ATXN7L1: variants seen among roughly 807,000 people sequenced by gnomAD.
The protein encoded by ATXN7L1 is ataxin-7-like protein 1.
ATXN7L1 carries 15 observed loss-of-function variants against 70.8 expected under a neutral mutation model. The ratio of observed to expected loss-of-function variants is 0.21; its 90% CI spans 0.14 to 0.33. ATXN7L1 has a LOEUF of 0.33. ATXN7L1 is among the 10% of genes least tolerant of loss of function. The pLI is 1.00. For synonymous variants in ATXN7L1, 440 were observed against 445.1 expected, an observed-to-expected ratio of 0.99 and a Z score of 0.14; for missense variants, 975 against 1,097.1, an observed-to-expected ratio of 0.89 and a Z score of 1.57.
chr7:105,690,654 T>C (rs1474733003), intron 3 of ATXN7L1, among the ~76,000 whole-genome samples: 1 of 152,164 alleles, frequency 6.6e-6, no homozygotes, highest in East Asian at 1.9e-4. Context: ...CCCGGACCAT[T>C]AGACTGGGAC....
At chr7:105,794,157 G>A (rs1042923765) in intron 2 of ATXN7L1, among the ~76,000 whole-genome samples, 2 of 152,120 alleles carry the variant, frequency 1.3e-5, no homozygotes, top group Admixed American at 1.3e-4. Flanking sequence ...TGTTCAATGG[G>A]TTACAACTCA....
intron 3 of ATXN7L1, among the ~76,000 whole-genome samples, chr7:105,709,135 C>G (rs541616935): frequency 6.6e-6 from 1 of 152,246 alleles, no homozygotes; most frequent in Non-Finnish European, 1.5e-5. Flanking sequence ...GAGTTAGAGA[C>G]CAGGCTGGCC....
intron 2 of ATXN7L1, among the ~76,000 whole-genome samples, chr7:105,853,750 C>T (rs761391332): frequency 3.9e-5 from 6 of 152,142 alleles, no homozygotes; most frequent in East Asian, 1.9e-4. Context: ...GGCAACAGAG[C>T]GAGACTCTGT....
intron 2 of ATXN7L1, among the ~76,000 whole-genome samples, chr7:105,856,159 A>G (rs1815687136): frequency 6.6e-6 from 1 of 152,252 alleles, no homozygotes; most frequent in Admixed American, 6.5e-5. Flanking sequence ...CTTAAATGAA[A>G]ATATCAACCA....
At chr7:105,613,753 C>A (rs1165828505) in intron 10 of ATXN7L1, 109 bp downstream of exon 10, 1 of 1,529,552 alleles carries the variant, frequency 6.5e-7, no homozygotes, top group Admixed American at 2.2e-5. Flanking sequence ...AAAACGAGAA[C>A]AGGAATCAAG....
At chr7:105,673,281 T>TG (rs1804058378) in intron 3 of ATXN7L1, among the ~76,000 whole-genome samples, 1 of 152,258 alleles carries the variant, frequency 6.6e-6, no homozygotes, top group South Asian at 2.1e-4. Context: ...TTAGCACAGA[T>TG]GCCTCATGAA....
chr7:105,727,460 G>A (rs550365528), intron 3 of ATXN7L1, among the ~76,000 whole-genome samples: 4 of 151,858 alleles, frequency 2.6e-5, no homozygotes, highest in Non-Finnish European at 5.9e-5. Context: ...CGTGAGGTCA[G>A]GAGTTCAAGA....
intron 3 of ATXN7L1, among the ~76,000 whole-genome samples, chr7:105,684,691 C>G (rs1048048223): frequency 6.6e-6 from 1 of 152,218 alleles, no homozygotes; most frequent in Admixed American, 6.5e-5. Flanking sequence ...AATCTACCAC[C>G]TGAAAACTCG....
In ATXN7L1 at chr7:105,833,471, C is replaced by T. The variant is rs577173940; in HGVS notation, c.250+42341G>A. Among the ~76,000 whole-genome samples the T allele has an allele frequency of 1.3e-4, 20 of 152,232 alleles. No homozygotes were observed. In the East Asian group the frequency reaches 1.4e-3, roughly 10 times the overall value. On this transcript the variant is annotated intron_variant, in intron 2 of 11. Coordinates refer to ENST00000419735, the MANE Select transcript of ATXN7L1 (RefSeq NM_020725.2). ...ATAGATGTACTCACACCATTTAGAA[C>T]GTAAAGAATACAGCGAAGAAAATAA...
At chr7:105,612,553 C>A (rs1182837319) in intron 10 of ATXN7L1, among the ~76,000 whole-genome samples, 1 of 152,162 alleles carries the variant, frequency 6.6e-6, no homozygotes, top group Non-Finnish European at 1.5e-5. Flanking sequence ...CATCCTGGGA[C>A]CTGGCGGTGG....
chr7:105,615,904 C>A (rs73192168), intron 9 of ATXN7L1, among the ~76,000 whole-genome samples: 1 of 152,266 alleles, frequency 6.6e-6, no homozygotes, highest in East Asian at 1.9e-4. Flanking sequence ...TTCTGATTTG[C>A]GCTGGGAGTG....
chr7:105,714,922 C>T (rs12668158), intron 3 of ATXN7L1, among the ~76,000 whole-genome samples: 14,788 of 152,172 alleles, frequency 0.097, 894 homozygotes, highest in Non-Finnish European at 0.13. Context: ...GCCTCAGCCC[C>T]ACTGGATAAC....
intron 3 of ATXN7L1, among the ~76,000 whole-genome samples, chr7:105,716,176 T>C (rs755710484): frequency 2.9e-4 from 44 of 152,254 alleles, no homozygotes; most frequent in Admixed American, 5.9e-4. Context: ...AGGGATATTT[T>C]TCCAAAGATG....
At chr7:105,691,363 C>T (rs1191790845) in intron 3 of ATXN7L1, among the ~76,000 whole-genome samples, 1 of 152,274 alleles carries the variant, frequency 6.6e-6, no homozygotes, top group South Asian at 2.1e-4. Flanking sequence ...AATTAATCAT[C>T]AAGAGCTAAA....
chr7:105,834,550 C>T (rs1812086964), intron 2 of ATXN7L1, among the ~76,000 whole-genome samples: 1 of 152,134 alleles, frequency 6.6e-6, no homozygotes, highest in South Asian at 2.1e-4. Flanking sequence ...CCCAGAAATG[C>T]AATACTAAGG....
chr7:105,727,777 T>TATATATATATATATATACACAC (rs1462125950), intron 3 of ATXN7L1, among the ~76,000 whole-genome samples: 1 of 90,246 alleles, frequency 1.1e-5, no homozygotes, highest in African/African-American at 6.1e-5. Flanking sequence ...TATATATATA[T>TATATATATATATATATACACAC]ACACACACAT....
At chr7:105,615,268 G>A (rs1214227338) in intron 9 of ATXN7L1, among the ~76,000 whole-genome samples, 8 of 152,110 alleles carry the variant, frequency 5.3e-5, no homozygotes, top group Admixed American at 4.6e-4. Flanking sequence ...ACAGGGCTTT[G>A]CTACCTGGAC....
chr7:105,824,144 G>A (rs1028992292), intron 2 of ATXN7L1, among the ~76,000 whole-genome samples: 2 of 152,098 alleles, frequency 1.3e-5, no homozygotes, highest in African/African-American at 4.8e-5. Context: ...ATTCATCTCT[G>A]AAAAAACAGA....
At chr7:105,630,114 G>A (rs1206956751) in intron 7 of ATXN7L1, among the ~76,000 whole-genome samples, 1 of 152,106 alleles carries the variant, frequency 6.6e-6, no homozygotes, top group Non-Finnish European at 1.5e-5. Flanking sequence ...CACTGCACCA[G>A]GCTGAAATAT....
Sources: allele counts gnomAD v4.1 joint callset (sites outside exome capture counted in the v4.1 genomes callset), GRCh38; gene constraint gnomAD v4.1.1; transcripts MANE v1.5; gene names NCBI Gene and HGNC (gene_info 2026-07-23, HGNC 2026-07-21).